ANXA8: variants seen among roughly 807,000 people sequenced by gnomAD.
ANXA8 encodes annexin A8.
In ANXA8, 9 loss-of-function variants were observed where a neutral mutation model predicts 26.8. The ratio of observed to expected loss-of-function variants is 0.34; its 90% confidence interval spans 0.20 to 0.59. ANXA8 has a LOEUF of 0.59. ANXA8 is among the 20% of genes least tolerant of loss of function. ANXA8 has a pLI of 0.84. For synonymous variants in ANXA8, 39 were observed against 94.8 expected, an observed-to-expected ratio of 0.41 and a Z score of 3.42; for missense variants, 83 against 238.5, an observed-to-expected ratio of 0.35 and a Z score of 4.29.
the ANXA8 span, among the ~76,000 whole-genome samples, chr10:47,717,534 G>A: frequency 8.1e-6 from 1 of 123,634 alleles, no homozygotes; most frequent in Non-Finnish European, 1.6e-5. Flanking sequence ...AAATGAAGAC[G>A]CTTACCCAGT....
chr10:47,743,367 T>TAC, the ANXA8 span, among the ~76,000 whole-genome samples: 1,929 of 54,950 alleles, frequency 0.035, 69 homozygotes, highest in Admixed American at 0.048. Flanking sequence ...CATATATATA[T>TAC]ATACATATAT....
the ANXA8 span, among the ~76,000 whole-genome samples, chr10:47,535,126 C>T: frequency 7.9e-6 from 1 of 127,302 alleles, no homozygotes; most frequent in African/African-American, 3.5e-5. Flanking sequence ...GGGCGCGCAA[C>T]ACATGCCCAG....
At chr10:47,498,469 A>G in the ANXA8 span, among the ~76,000 whole-genome samples, 2 of 142,828 alleles carry the variant, frequency 1.4e-5, no homozygotes, top group African/African-American at 5.1e-5. Flanking sequence ...CAGTGTACAC[A>G]TATTTCTATG....
the ANXA8 span, among the ~76,000 whole-genome samples, chr10:47,597,674 A>AG: frequency 7.2e-6 from 1 of 139,352 alleles, no homozygotes; most frequent in Non-Finnish European, 1.5e-5. Context: ...AGAAAAAAAA[A>AG]AAAAAGAAAT....
chr10:47,768,393 G>A, the ANXA8 span, among the ~76,000 whole-genome samples: 23 of 151,316 alleles, frequency 1.5e-4, no homozygotes, highest in African/African-American at 5.6e-4. Context: ...TTGATGTGTC[G>A]GTTAAGACAT....
the ANXA8 span, among the ~76,000 whole-genome samples, chr10:47,950,785 A>T: frequency 1.3e-5 from 2 of 151,096 alleles, no homozygotes; most frequent in Non-Finnish European, 2.9e-5. Context: ...TTTCCTAAAT[A>T]AGAATTAGAA....
chr10:47,582,477 C>A, the ANXA8 span, among the ~76,000 whole-genome samples: 1 of 139,542 alleles, frequency 7.2e-6, no homozygotes, highest in African/African-American at 3.1e-5. Flanking sequence ...GTGGAAGAGG[C>A]CAAGGATGTG....
chr10:47,501,971 C>A, the ANXA8 span: 3 of 1,167,968 alleles, frequency 2.6e-6, no homozygotes, highest in Non-Finnish European at 3.6e-6. Context: ...ACTGAAAATG[C>A]TATTACTAGC....
the ANXA8 span, among the ~76,000 whole-genome samples, chr10:47,656,969 T>A: frequency 1.3e-5 from 2 of 150,616 alleles, no homozygotes; most frequent in Non-Finnish European, 3.0e-5. Context: ...GACTACAGTC[T>A]TTTAAACAGC....
chr10:47,742,713 GA>G, the ANXA8 span, among the ~76,000 whole-genome samples: 50 of 130,718 alleles, frequency 3.8e-4, 1 homozygote, highest in African/African-American at 1.4e-3. Context: ...AATGTCTGGG[GA>G]AAAATTTAAT....
At chr10:47,699,866 T>C in the ANXA8 span, among the ~76,000 whole-genome samples, 1 of 151,616 alleles carries the variant, frequency 6.6e-6, no homozygotes, top group Admixed American at 6.6e-5. Context: ...TTAGACAATA[T>C]ACACAAATAA....
At chr10:47,579,825 CA>C in the ANXA8 span, among the ~76,000 whole-genome samples, 1 of 128,606 alleles carries the variant, frequency 7.8e-6, no homozygotes, top group African/African-American at 3.1e-5. Flanking sequence ...TACAGAAAAA[CA>C]TTTTATGTTC....
chr10:47,589,830 A>G, the ANXA8 span, among the ~76,000 whole-genome samples: 35 of 145,062 alleles, frequency 2.4e-4, 3 homozygotes, highest in African/African-American at 9.1e-4. Context: ...GGAGCAGCTC[A>G]GATTCTCCAC....
the ANXA8 span, among the ~76,000 whole-genome samples, chr10:47,645,511 GAGAA>G: frequency 6.7e-6 from 1 of 149,276 alleles, no homozygotes; most frequent in African/African-American, 2.5e-5. Context: ...TAAAAAGAAA[GAGAA>G]AGAGAAAGAC....
At chr10:47,627,225 C>G in the ANXA8 span, among the ~76,000 whole-genome samples, 364 of 150,200 alleles carry the variant, frequency 2.4e-3, 27 homozygotes, top group African/African-American at 8.8e-3. Context: ...CTCTGAAAGG[C>G]TAGAAAATGT....
At chr10:47,704,939 G>A in the ANXA8 span, among the ~76,000 whole-genome samples, 1 of 152,028 alleles carries the variant, frequency 6.6e-6, no homozygotes, top group African/African-American at 2.4e-5. Context: ...TTTTCAAGTT[G>A]ATTTGTAAAT....
the ANXA8 span, among the ~76,000 whole-genome samples, chr10:47,980,825 T>C: frequency 1.9e-4 from 28 of 150,750 alleles, no homozygotes; most frequent in African/African-American, 6.5e-4. Context: ...AAATTAGTAA[T>C]TAAGAAACTC....
the ANXA8 span, among the ~76,000 whole-genome samples, chr10:47,673,624 G>A: frequency 1.3e-5 from 2 of 151,688 alleles, no homozygotes; most frequent in African/African-American, 2.4e-5. Context: ...TCTGACCGTG[G>A]CGCTTAATGC....
the ANXA8 span, among the ~76,000 whole-genome samples, chr10:47,551,066 A>G: frequency 0.17 from 25,313 of 146,364 alleles, 2,076 homozygotes; most frequent in East Asian, 0.48. Flanking sequence ...AAGATGTAAC[A>G]AGATGACTTC....
Sources: allele counts gnomAD v4.1 joint callset (sites outside exome capture counted in the v4.1 genomes callset), GRCh38; gene constraint gnomAD v4.1.1; transcripts MANE v1.5; gene names NCBI Gene and HGNC (gene_info 2026-07-23, HGNC 2026-07-21).